Variants in PTPRJ observed in about 807,000 individuals in gnomAD.
PTPRJ encodes the protein protein tyrosine phosphatase receptor type J, also known as receptor-type tyrosine-protein phosphatase eta.
PTPRJ carries 129 observed loss-of-function variants against 141.3 expected under a neutral mutation model. The observed-to-expected ratio is 0.91, with a 90% CI of 0.79 to 1.06. The LOEUF is 1.06. PTPRJ is among the 50% of genes least tolerant of loss of function. The probability of loss-of-function intolerance (pLI) is 0.00; values close to 1 mark genes in which losing one functional copy is unlikely to be tolerated. For synonymous variants in PTPRJ, 610 were observed against 640.5 expected (o/e 0.95, Z 0.72); for missense variants, 1,601 against 1,679.7 (o/e 0.95, Z 0.82).
chr11:48,127,642 G>C (rs1856872878), intron 6 of PTPRJ, 138 bp from the exon 7 acceptor site: 1 of 896,122 alleles, frequency 1.1e-6, no homozygotes, highest in South Asian at 1.7e-5. Flanking sequence ...TGCTTTCCTA[G>C]CCACGGTTGA....
In PTPRJ at chr11:48,086,682, T is replaced by C. The variant is rs1178817076; in HGVS notation, c.97-23376T>C. On this transcript the variant is annotated intron_variant, in intron 1 of 24. Transcript: ENST00000418331. ...GGGATTTATTGAGCCACTGAGGTCA[T>C]TGGCCTCAGGCCACCTGCGTCTCTC... 2.6e-5 allele frequency among the ~76,000 whole-genome samples: 4 copies of C among 152,336 alleles called. 1 individual carries two copies. The highest frequency in any genetic ancestry group is 9.6e-5 in the African/African-American group (4 of 41,590).
At chr11:48,023,603 G>A (rs1853717674) in intron 1 of PTPRJ, among the ~76,000 whole-genome samples, 1 of 152,054 alleles carries the variant, frequency 6.6e-6, no homozygotes, top group South Asian at 2.1e-4. Flanking sequence ...CCAATATGGT[G>A]AAACCCCGTC....
intron 1 of PTPRJ, among the ~76,000 whole-genome samples, chr11:48,083,986 TGCATAAG>T (rs1855631063): frequency 6.6e-6 from 1 of 152,150 alleles, no homozygotes; most frequent in South Asian, 2.1e-4. Flanking sequence ...AAATAACCAA[TGCATAAG>T]GCCACAAAGC....
intron 11 of PTPRJ, 91 bp from the exon 12 acceptor site, chr11:48,142,828 C>G: frequency 7.0e-7 from 1 of 1,433,406 alleles, no homozygotes; most frequent in Non-Finnish European, 9.3e-7. Flanking sequence ...AGAGTAAGAT[C>G]TTGAGGAGGT....
chr11:48,064,123 G>C (rs1280915672), intron 1 of PTPRJ, among the ~76,000 whole-genome samples: 1 of 152,056 alleles, frequency 6.6e-6, no homozygotes, highest in African/African-American at 2.4e-5. Context: ...CCCAGCTTGT[G>C]TTTCCTTCTG....
At chr11:48,011,361 T>C (rs975205156) in intron 1 of PTPRJ, among the ~76,000 whole-genome samples, 4 of 152,166 alleles carry the variant, frequency 2.6e-5, no homozygotes, top group African/African-American at 9.7e-5. Flanking sequence ...GCCTGGGTTC[T>C]GTTTCTGGAC....
intron 3 of PTPRJ, among the ~76,000 whole-genome samples, chr11:48,117,490 G>A (rs986769347): frequency 7.7e-6 from 1 of 129,716 alleles, no homozygotes; most frequent in Non-Finnish European, 1.6e-5. Flanking sequence ...GCAGTGAGCC[G>A]AGATCGCACC....
chr11:48,042,707 T>C (rs570604243), intron 1 of PTPRJ, among the ~76,000 whole-genome samples: 1 of 152,046 alleles, frequency 6.6e-6, no homozygotes, highest in Admixed American at 6.6e-5. Flanking sequence ...TTTACAAGGA[T>C]AAATCTATGG....
At chr11:47,997,073 C>T (rs1038469866) in intron 1 of PTPRJ, among the ~76,000 whole-genome samples, 4 of 152,220 alleles carry the variant, frequency 2.6e-5, no homozygotes, top group African/African-American at 9.6e-5. Flanking sequence ...ATGGTTTCTC[C>T]ATCTCAGCCC....
At chr11:48,110,215 C>CTT in intron 2 of PTPRJ, 139 bp downstream of exon 2, 1 of 1,034,704 alleles carries the variant, frequency 9.7e-7, no homozygotes, top group Non-Finnish European at 1.4e-6. Flanking sequence ...TTTTTCTTTT[C>CTT]TTTTTTTTTG....
At chr11:48,018,659 T>G (rs951115760) in intron 1 of PTPRJ, among the ~76,000 whole-genome samples, 1 of 152,196 alleles carries the variant, frequency 6.6e-6, no homozygotes, top group African/African-American at 2.4e-5. Context: ...CCTTTGTCAG[T>G]GTCAGCGAGG....
At chr11:48,166,763 C>T (rs143634239) in intron 24 of PTPRJ, among the ~76,000 whole-genome samples, 27 of 152,266 alleles carry the variant, frequency 1.8e-4, no homozygotes, top group African/African-American at 6.5e-4. Context: ...AAGGATAGTC[C>T]TCATCCAGCT....
chr11:47,991,130 T>A (rs1854183432), intron 1 of PTPRJ, among the ~76,000 whole-genome samples: 1 of 152,160 alleles, frequency 6.6e-6, no homozygotes, highest in Non-Finnish European at 1.5e-5. Context: ...TATGAAGCAG[T>A]GGAACTTCCC....
At chr11:48,071,504 G>T (rs867006913) in intron 1 of PTPRJ, among the ~76,000 whole-genome samples, 2 of 151,582 alleles carry the variant, frequency 1.3e-5, no homozygotes, top group Non-Finnish European at 2.9e-5. Flanking sequence ...TTTTAGTAGA[G>T]ACGGGGTTTC....
chr11:48,101,188 G>A (rs549467120), intron 1 of PTPRJ, among the ~76,000 whole-genome samples: 5 of 152,296 alleles, frequency 3.3e-5, no homozygotes, highest in African/African-American at 1.2e-4. Flanking sequence ...AGAGCGGATG[G>A]TAACTGACAG....
At chr11:48,164,344 A>T (rs776965825) in intron 23 of PTPRJ, 36 bp from the exon 24 acceptor site, 3 of 1,607,268 alleles carry the variant, frequency 1.9e-6, no homozygotes, top group Non-Finnish European at 2.5e-6. Flanking sequence ...AGTCGAGGGA[A>T]CCCACTGTAA....
At chr11:48,028,262 C>A (rs1180686798) in intron 1 of PTPRJ, among the ~76,000 whole-genome samples, 1 of 152,164 alleles carries the variant, frequency 6.6e-6, no homozygotes, top group Non-Finnish European at 1.5e-5. Flanking sequence ...CACTACCTGT[C>A]CCCCTAATCC....
chr11:48,150,735 G>A (rs780925909), intron 18 of PTPRJ, among the ~76,000 whole-genome samples: 1 of 152,180 alleles, frequency 6.6e-6, no homozygotes, highest in Non-Finnish European at 1.5e-5. Flanking sequence ...GCCAGTGTCT[G>A]CCTTTCAGTT....
chr11:48,094,681 G>A (rs1034781199), intron 1 of PTPRJ, among the ~76,000 whole-genome samples: 42 of 152,144 alleles, frequency 2.8e-4, no homozygotes, highest in African/African-American at 9.4e-4. Flanking sequence ...CTTTTCTGCT[G>A]TGTTTACTGC....
Sources: gnomAD v4.1 joint callset for allele counts (sites outside exome capture counted in the v4.1 genomes callset) on GRCh38, gnomAD v4.1.1 for gene constraint, MANE v1.5 for transcripts, NCBI Gene and HGNC (gene_info 2026-07-23, HGNC 2026-07-21) for gene names.